Variants in DISP1 observed in about 807,000 individuals in gnomAD.
DISP1 encodes protein dispatched homolog 1.
In DISP1, 30 loss-of-function variants were observed where a neutral mutation model predicts 37.3. The observed-to-expected ratio is 0.80, with a 90% confidence interval of 0.60 to 1.09. The LOEUF (loss-of-function observed/expected upper bound fraction) is 1.09, where lower values mean the gene tolerates loss of function less well. Ranked by LOEUF, DISP1 falls within the 50% of genes least tolerant of loss-of-function variation. The probability of loss-of-function intolerance (pLI) is 0.00; values close to 1 mark genes in which losing one functional copy is unlikely to be tolerated. For synonymous variants in DISP1, 634 were observed against 690.2 expected (o/e 0.92, Z 1.28); for missense variants, 1,598 against 1,879.5 (o/e 0.85, Z 2.77).
intron 7 of DISP1, 78 bp downstream of exon 7, chr1:222,992,188 G>A: frequency 1.7e-6 from 2 of 1,161,450 alleles, no homozygotes; most frequent in Non-Finnish European, 2.6e-6. Flanking sequence ...AGTCTAGACT[G>A]ATAGCCGTGT....
chr1:222,881,741 A>G (rs1670295657), intron 1 of DISP1, among the ~76,000 whole-genome samples: 1 of 152,154 alleles, frequency 6.6e-6, no homozygotes, highest in Admixed American at 6.6e-5. Flanking sequence ...TTGCTTGTAG[A>G]TTTTTACGGG....
At chr1:222,945,682 C>T (rs1674717910) in intron 3 of DISP1, 2 of 151,384 alleles carry the variant, frequency 1.3e-5, no homozygotes, top group South Asian at 4.2e-4. Flanking sequence ...TCATCACTAC[C>T]CTTGGTTGTG....
In DISP1 at chr1:223,002,461, G is replaced by A; in HGVS notation, c.1064G>A (p.Gly355Glu). 6.2e-7 allele frequency: 1 copy of A among 1,614,134 alleles called. No homozygotes were observed. Among genetic ancestry groups the A allele is most frequent in the Non-Finnish European group, 8.5e-7 (1 of 1,180,012 alleles). ...TCCTGCTGCCCCAGCTGGACACTGG[G>A]AAACTACATCGCCATTCTGAACAAT... ...AASCCPSWTLGNYIAILNNRS... is the reference protein window; with the variant it reads ...AASCCPSWTLENYIAILNNRS... Residue 355 changes from glycine to glutamate, a missense_variant, in exon 9 of 9, where the codon GGA (glycine) becomes GAA (glutamate). Coordinates refer to ENST00000675850, the MANE Select transcript of DISP1 (RefSeq NM_001377229.1).
chr1:222,938,463 G>GGCT (rs1674131524), intron 2 of DISP1, among the ~76,000 whole-genome samples: 1 of 151,744 alleles, frequency 6.6e-6, no homozygotes, highest in African/African-American at 2.4e-5. Context: ...GGCTGGGCAT[G>GGCT]GTGGCTCATC....
chr1:222,919,794 A>G (rs1672709551), intron 1 of DISP1, among the ~76,000 whole-genome samples: 1 of 152,180 alleles, frequency 6.6e-6, no homozygotes, highest in African/African-American at 2.4e-5. Flanking sequence ...AATGTTTTCT[A>G]CGTTAGAGCT....
chr1:222,853,512 A>G (rs1668385241), intron 1 of DISP1, among the ~76,000 whole-genome samples: 1 of 145,944 alleles, frequency 6.9e-6, no homozygotes, highest in South Asian at 2.2e-4. Context: ...CAACAGCTGA[A>G]TGGATAAAGA....
intron 1 of DISP1, among the ~76,000 whole-genome samples, chr1:222,889,586 G>A (rs1249792259): frequency 2.7e-5 from 4 of 149,184 alleles, no homozygotes; most frequent in African/African-American, 4.9e-5. Context: ...ACAGAGCCAC[G>A]TTTTATTATA....
rs1435740025 is a variant in DISP1, at chr1:222,991,622, A to G, written c.766A>G (p.Lys256Glu). ...AGCAACATTAGCAAATTATCCCTTT[A>G]AATATGCAGATGAACAAGCCAAAAG... ...YKATLANYPF[K>E]YADEQAKSHR... Residue 256 changes from lysine (K) to glutamate (E), a missense_variant, in exon 6 of 9, where the codon AAA (lysine) becomes GAA (glutamate). By Grantham distance (56) the Lys-to-Glu change is moderately conservative. Transcript: ENST00000675850. The G allele has an allele frequency of 3.7e-6, 6 of 1,613,404 alleles. No individual in the cohort carries two copies. The highest frequency in any genetic ancestry group is 5.1e-6 in the Non-Finnish European group (6 of 1,179,572).
chr1:222,876,531 A>T (rs1669984724), intron 1 of DISP1, among the ~76,000 whole-genome samples: 2 of 152,230 alleles, frequency 1.3e-5, no homozygotes, highest in South Asian at 4.1e-4. Context: ...ATCGAAAAAG[A>T]AGAGGTAAAT....
At chr1:222,867,262 T>C (rs1028488131) in intron 1 of DISP1, among the ~76,000 whole-genome samples, 2 of 152,184 alleles carry the variant, frequency 1.3e-5, no homozygotes, top group Admixed American at 1.3e-4. Context: ...AAATCATTTT[T>C]ATTGTTTTCA....
chr1:222,952,421 T>C (rs1675288615), intron 3 of DISP1, among the ~76,000 whole-genome samples: 1 of 152,234 alleles, frequency 6.6e-6, no homozygotes, highest in African/African-American at 2.4e-5. Flanking sequence ...ATGAAACTTA[T>C]ATGATATAGA....
intron 2 of DISP1, among the ~76,000 whole-genome samples, chr1:222,938,825 G>A (rs1371980950): frequency 1.3e-5 from 2 of 150,838 alleles, no homozygotes; most frequent in Non-Finnish European, 2.9e-5. Flanking sequence ...TCTCTGTATG[G>A]GCCTTAGGGT....
At chr1:222,988,121 A>G (rs1168933410) in intron 4 of DISP1, among the ~76,000 whole-genome samples, 2 of 152,236 alleles carry the variant, frequency 1.3e-5, no homozygotes, top group African/African-American at 4.8e-5. Context: ...TATTATTTTC[A>G]GAATTATTCT....
intron 1 of DISP1, among the ~76,000 whole-genome samples, chr1:222,843,268 G>A (rs1667711725): frequency 1.3e-5 from 2 of 151,894 alleles, no homozygotes; most frequent in African/African-American, 4.8e-5. Context: ...GATTCTGGGT[G>A]GAAATCCTTT....
rs578183210 is a variant in DISP1, at chr1:222,860,050, T to G, written c.-159+44972T>G. Among the ~76,000 whole-genome samples, 29 of 152,370 alleles carry G rather than the reference T, an allele frequency of 1.9e-4. No individual in the cohort carries two copies. In the South Asian group the frequency reaches 4.8e-3, roughly 25 times the overall value. On this transcript the variant is annotated intron_variant, in intron 1 of 8. Transcript: ENST00000675850. ...AATAAAGGAAATTCATTTCTTCTTT[T>G]TTTCTGTTTTGTTTTGTTTTGTTGA...
chr1:223,002,062 G>T lies in DISP1; in HGVS notation c.988-323G>T, dbSNP rs1002601245. ...TGCTTTTTAAAGTGGCTTTGAAAAG[G>T]CTTGTTGACTAAGTAGGTGTTAATT... On this transcript the variant is annotated intron_variant, in intron 8 of 8. Coordinates refer to ENST00000675850, the MANE Select transcript of DISP1 (RefSeq NM_001377229.1). 2.6e-5 allele frequency among the ~76,000 whole-genome samples: 4 copies of T among 152,072 alleles called. No homozygotes were observed. In the South Asian group the frequency reaches 8.3e-4, roughly 32 times the overall value.
At chr1:222,914,633 T>C (rs533115794) in intron 1 of DISP1, among the ~76,000 whole-genome samples, 10 of 151,060 alleles carry the variant, frequency 6.6e-5, no homozygotes, top group Admixed American at 5.3e-4. Context: ...TTGTAAAACT[T>C]AGTTTTTGGC....
At chr1:222,841,487 A>G (rs1667609666) in intron 1 of DISP1, among the ~76,000 whole-genome samples, 1 of 152,092 alleles carries the variant, frequency 6.6e-6, no homozygotes, top group Non-Finnish European at 1.5e-5. Flanking sequence ...GACTTCTTGA[A>G]CTCATGTCTG....
chr1:222,906,526 G>T (rs1407954242), intron 1 of DISP1, among the ~76,000 whole-genome samples: 1 of 152,234 alleles, frequency 6.6e-6, no homozygotes, highest in African/African-American at 2.4e-5. Context: ...AGACCTTGCT[G>T]ATAAAACAGT....
Sources: gnomAD v4.1 joint callset for allele counts (sites outside exome capture counted in the v4.1 genomes callset) on GRCh38, gnomAD v4.1.1 for gene constraint, MANE v1.5 for transcripts, NCBI Gene and HGNC (gene_info 2026-07-23, HGNC 2026-07-21) for gene names.